Variants in CTIF observed in about 807,000 individuals in gnomAD.
CTIF encodes CBP80/20-dependent translation initiation factor.
Under a neutral mutation model 66.0 loss-of-function variants are expected in CTIF, and 21 were observed. That is an observed-to-expected ratio of 0.32 (90% confidence interval 0.23 to 0.46). The LOEUF is 0.46. Among genes scored for constraint, CTIF ranks in the 20% least tolerant of loss-of-function variants. The pLI is 1.00. For synonymous variants in CTIF, 345 were observed against 326.4 expected (o/e 1.06, Z -0.62); for missense variants, 739 against 812.7 (o/e 0.91, Z 1.10).
At chr18:48,546,979 G>A (rs907628716) in intron 1 of CTIF, among the ~76,000 whole-genome samples, 2 of 152,196 alleles carry the variant, frequency 1.3e-5, no homozygotes, top group Non-Finnish European at 2.9e-5. Flanking sequence ...GGGGGCCAGT[G>A]TCTTCCTGAC....
intron 10 of CTIF, among the ~76,000 whole-genome samples, chr18:48,820,202 A>G (rs1005373582): frequency 7.2e-5 from 11 of 152,156 alleles, no homozygotes; most frequent in African/African-American, 2.7e-4. Flanking sequence ...GGCCAAAAGA[A>G]AAGATGGGGA....
At position 48,817,315 on chromosome 18, in the gene CTIF, G is replaced by A. The variant is rs755203397; in HGVS notation, c.1466G>A (p.Arg489His). Residue 489 changes from arginine (R) to histidine (H), a missense_variant, in exon 10 of 12, where the codon CGC becomes CAC. Physicochemically the swap from Arg to His is conservative, Grantham distance 29. This residue lies in a region of CTIF where 210 missense variants were observed against 292.3 expected (regional missense o/e 0.72). Transcript: ENST00000256413. ...CTGTGCGAGGTCTTCGGCACCATGC[G>A]CAGCAGCACAGGCGAGCCCTTCCGT... ...TFLCEVFGTM[R>H]SSTGEPFRVL... The A allele has an allele frequency of 1.1e-5, 18 of 1,613,866 alleles. No homozygotes were observed. Among genetic ancestry groups the A allele is most frequent in the Middle Eastern group, 1.6e-4 (1 of 6,084 alleles).
intron 1 of CTIF, among the ~76,000 whole-genome samples, chr18:48,608,172 G>A (rs1323152746): frequency 6.6e-6 from 1 of 152,108 alleles, no homozygotes; most frequent in Non-Finnish European, 1.5e-5. Flanking sequence ...ATTAGAGAGT[G>A]TATGGGTCTG....
At chr18:48,799,126 T>G (rs1362044293) in intron 9 of CTIF, among the ~76,000 whole-genome samples, 1 of 152,152 alleles carries the variant, frequency 6.6e-6, no homozygotes, top group Non-Finnish European at 1.5e-5. Context: ...CTTACTGAGC[T>G]CTGCAAGGCC....
intron 9 of CTIF, among the ~76,000 whole-genome samples, chr18:48,796,225 G>A (rs1048418888): frequency 6.9e-6 from 1 of 144,372 alleles, no homozygotes; most frequent in African/African-American, 2.5e-5. Context: ...CCAGGCTGGA[G>A]TGCAGTGGTG....
Position 48,619,750 on chromosome 18 carries a change from G to A in CTIF, c.180+5G>A. On this transcript the variant is annotated splice_donor_5th_base_variant and intron_variant, in intron 2 of 11. Coordinates refer to ENST00000256413, the MANE Select transcript of CTIF (RefSeq NM_014772.3). The stretch of plus-strand genomic sequence containing the variant: ...ACCCAGTCCCACATCTCCCAGGTGA[G>A]CGCGGGCCCGGGGTTGGGGCAGCTT... The A allele has an allele frequency of 6.4e-7, 1 of 1,565,028 alleles. No homozygotes were observed. Among genetic ancestry groups the A allele is most frequent in the Non-Finnish European group, 8.7e-7 (1 of 1,153,544 alleles).
At position 48,549,859 on chromosome 18, in the gene CTIF, G is replaced by T. The variant is rs559751005; in HGVS notation, c.-29+10547G>T. 9.8e-5 allele frequency among the ~76,000 whole-genome samples: 15 copies of T among 152,314 alleles called. No individual in the cohort carries two copies. The East Asian group carries it at 2.9e-3, about 29-fold the overall frequency. The stretch of plus-strand genomic sequence containing the variant: ...GCAAGGAAGTGGGGAAGGGAGCAAT[G>T]GTTGGCTAAGCAAAGAGGAACATTT... On this transcript the variant is annotated intron_variant, in intron 1 of 11. Transcript: ENST00000256413.
chr18:48,711,710 G>T lies in CTIF; in HGVS notation c.584+15G>T, dbSNP rs377178616. On this transcript the variant is annotated intron_variant, in intron 7 of 11. Transcript: ENST00000256413. Reference sequence around the variant, plus strand: ...AATGATCGAAGGTAGGAGAGACTTCGTCGTGAGCTTTGGGTTTTCCTTTCC... The same window carrying T: ...AATGATCGAAGGTAGGAGAGACTTCTTCGTGAGCTTTGGGTTTTCCTTTCC... 3.1e-6 allele frequency: 5 copies of T among 1,610,274 alleles called. No homozygotes were observed. Among genetic ancestry groups the T allele is most frequent in the Non-Finnish European group, 4.2e-6 (5 of 1,176,714 alleles).
chr18:48,611,217 T>A (rs1271427113), intron 1 of CTIF, among the ~76,000 whole-genome samples: 1 of 152,214 alleles, frequency 6.6e-6, no homozygotes, highest in Non-Finnish European at 1.5e-5. Context: ...AGGAACTACC[T>A]CCAACTTGTT....
chr18:48,554,980 A>G (rs1568029169), intron 1 of CTIF, among the ~76,000 whole-genome samples: 1 of 152,112 alleles, frequency 6.6e-6, no homozygotes, highest in Non-Finnish European at 1.5e-5. Context: ...CAGGGTGACC[A>G]AGTATTCAGA....
At chr18:48,621,918 C>G (rs547459469) in intron 2 of CTIF, among the ~76,000 whole-genome samples, 2 of 152,328 alleles carry the variant, frequency 1.3e-5, no homozygotes, top group South Asian at 4.1e-4. Flanking sequence ...CTATCCCCAG[C>G]CCCCAGCGGT....
At chr18:48,673,999 C>T (rs1169167579) in intron 6 of CTIF, among the ~76,000 whole-genome samples, 2 of 152,226 alleles carry the variant, frequency 1.3e-5, no homozygotes, top group African/African-American at 4.8e-5. Flanking sequence ...GCCCCAACTG[C>T]AAGGGCTGAC....
chr18:48,844,809 G>A (rs1249117500), intron 10 of CTIF, among the ~76,000 whole-genome samples: 1 of 152,034 alleles, frequency 6.6e-6, no homozygotes, highest in African/African-American at 2.4e-5. Flanking sequence ...TGTAGCTTTG[G>A]TGCCAGGCTA....
chr18:48,695,980 A>C (rs762728230), intron 6 of CTIF, among the ~76,000 whole-genome samples: 1 of 152,072 alleles, frequency 6.6e-6, no homozygotes, highest in African/African-American at 2.4e-5. Context: ...TGTTCTTGCC[A>C]CTCTGAGGTA....
rs1908953222 is a variant in CTIF, at chr18:48,761,231, G to A, written c.1072-159G>A. ...CAACAAGGAGCTTTTGGCGCATGAG[G>A]GGTCTTTGGTGGAGGTTCCCAGAGG... is the stretch of plus-strand genomic sequence containing the variant. On this transcript the variant is annotated intron_variant, in intron 8 of 11. Coordinates refer to ENST00000256413, the MANE Select transcript of CTIF (RefSeq NM_014772.3). This position sits in a 1 kb window ranked among gnomAD's most constrained non-coding sequence, Gnocchi z 4.2. 1.6e-6 allele frequency: 1 copy of A among 640,292 alleles called. No individual in the cohort carries two copies. 39.7% of individuals were successfully genotyped at this position (640,292 alleles called of 1,614,324 possible). A position where few individuals can be genotyped will look rare whatever the true frequency, so the allele number is the denominator to read the frequency against.
chr18:48,728,334 A>G (rs970735814), intron 7 of CTIF, among the ~76,000 whole-genome samples: 1 of 152,158 alleles, frequency 6.6e-6, no homozygotes, highest in Non-Finnish European at 1.5e-5. Context: ...CCACTCTCAC[A>G]TTGCAGAGTT....
chr18:48,652,741 C>T (rs2091179537), intron 3 of CTIF, among the ~76,000 whole-genome samples: 1 of 152,194 alleles, frequency 6.6e-6, no homozygotes. Context: ...AAAATACTGG[C>T]AAACTGAATC....
chr18:48,727,696 TTGAC>T lies in CTIF; in HGVS notation c.584+16005_584+16008del, dbSNP rs537908071. 8.0e-4 allele frequency among the ~76,000 whole-genome samples: 122 copies of T among 152,338 alleles called. 1 individual carries two copies. The highest frequency in any genetic ancestry group is 1.5e-3 in the Non-Finnish European group (104 of 68,034). On this transcript the variant is annotated intron_variant, in intron 7 of 11. Coordinates refer to ENST00000256413, the MANE Select transcript of CTIF (RefSeq NM_014772.3). ...TTAAGCTTCTTAGAAGCTCTGTTGT[TTGAC>T]TGAGAAGATCTTTAACATCTCTTAA...
chr18:48,815,477 A>G (rs1253696774), intron 9 of CTIF, among the ~76,000 whole-genome samples: 1 of 152,240 alleles, frequency 6.6e-6, no homozygotes, highest in African/African-American at 2.4e-5. Context: ...TGGCTCACAA[A>G]TAGCAGCTGC....
Sources: gnomAD v4.1 joint callset for allele counts (sites outside exome capture counted in the v4.1 genomes callset) on GRCh38, gnomAD v4.1.1 for gene constraint, gnomAD v4.1.1 regional missense constraint, Gnocchi (gnomAD v3.1) non-coding constraint, MANE v1.5 for transcripts, NCBI Gene and HGNC (gene_info 2026-07-23, HGNC 2026-07-21) for gene names.